The following MSRB3 variants were observed in gnomAD, a reference collection of about 807,000 sequenced individuals.
MSRB3 encodes methionine-R-sulfoxide reductase B3.
In MSRB3, 13 loss-of-function variants were observed where a neutral mutation model predicts 21.0. That is an observed-to-expected ratio of 0.62 (90% confidence interval 0.40 to 0.98). MSRB3 has a LOEUF of 0.98. Ranked by LOEUF, MSRB3 falls within the 50% of genes least tolerant of loss-of-function variation. The probability of loss-of-function intolerance (pLI) is 0.00; values close to 1 mark genes in which losing one functional copy is unlikely to be tolerated. For missense variants in MSRB3, 199 were observed against 230.3 expected, an observed-to-expected ratio of 0.86 and a Z score of 0.88; for synonymous variants, 87 against 88.6, an observed-to-expected ratio of 0.98 and a Z score of 0.10.
chr12:65,317,111 T>C (rs1874349266), intron 2 of MSRB3, among the ~76,000 whole-genome samples: 1 of 152,156 alleles, frequency 6.6e-6, no homozygotes, highest in Admixed American at 6.5e-5. Context: ...TATGCAACCA[T>C]GAGTAGTAAC....
chr12:65,463,279 G>C lies in MSRB3; in HGVS notation c.515G>C (p.Ser172Thr). ...AGCAGTGGCACCGCCGAGGGAGGCAGTGGGGTCGCCAGCCCGGCCCAGGCA... is the reference window on the plus strand; with the variant it reads ...AGCAGTGGCACCGCCGAGGGAGGCACTGGGGTCGCCAGCCCGGCCCAGGCA... ...ADSSGTAEGG[S>T]GVASPAQADK... The change falls in exon 7 of 7, where the codon AGT becomes ACT. Residue 172 changes from serine to threonine, a missense_variant. Ser to Thr is a moderately conservative substitution (Grantham distance 58). Coordinates refer to ENST00000308259, the MANE Select transcript of MSRB3 (RefSeq NM_001031679.3). The C allele has an allele frequency of 1.2e-6, 2 of 1,614,232 alleles. No homozygotes were observed. Among genetic ancestry groups the C allele is most frequent in the Non-Finnish European group, 1.7e-6 (2 of 1,180,044 alleles).
intron 1 of MSRB3, among the ~76,000 whole-genome samples, chr12:65,300,357 TA>T (rs1464584084): frequency 2.6e-5 from 4 of 152,168 alleles, no homozygotes; most frequent in African/African-American, 9.7e-5. Context: ...ATCTTCTGAC[TA>T]AATTAAGAAT....
chr12:65,418,375 GT>G (rs1881092310), intron 5 of MSRB3, among the ~76,000 whole-genome samples: 2 of 152,152 alleles, frequency 1.3e-5, no homozygotes, highest in African/African-American at 4.8e-5. Context: ...ACTTGTTGGA[GT>G]TCCTTATGTT....
intron 5 of MSRB3, among the ~76,000 whole-genome samples, chr12:65,396,747 A>G (rs867781487): frequency 1.3e-5 from 2 of 148,686 alleles, no homozygotes; most frequent in African/African-American, 4.9e-5. Context: ...AAAGAAAGAA[A>G]GAAAGAAAAC....
chr12:65,363,755 A>G (rs1877843589), intron 4 of MSRB3, among the ~76,000 whole-genome samples: 1 of 151,946 alleles, frequency 6.6e-6, no homozygotes, highest in South Asian at 2.1e-4. Flanking sequence ...GGAGGATGAG[A>G]CAGGCGGATC....
intron 5 of MSRB3, among the ~76,000 whole-genome samples, chr12:65,393,617 C>T (rs1386498482): frequency 5.3e-5 from 6 of 113,778 alleles, no homozygotes; most frequent in South Asian, 2.8e-4. Flanking sequence ...GGCAGTAGAG[C>T]GAGACTCCGT....
intron 5 of MSRB3, among the ~76,000 whole-genome samples, chr12:65,415,354 C>T (rs964960175): frequency 6.6e-6 from 1 of 152,152 alleles, no homozygotes; most frequent in Non-Finnish European, 1.5e-5. Context: ...TAGAGTCTCT[C>T]CACCTGTTCT....
At chr12:65,283,799 C>T (rs1168413998) in intron 1 of MSRB3, 1 of 152,176 alleles carries the variant, frequency 6.6e-6, no homozygotes, top group Non-Finnish European at 1.5e-5. Flanking sequence ...TTTTCAGATA[C>T]TCTGATGCTT....
chr12:65,425,753 C>T (rs917001361), intron 5 of MSRB3, among the ~76,000 whole-genome samples: 1 of 151,850 alleles, frequency 6.6e-6, no homozygotes, highest in African/African-American at 2.4e-5. Context: ...TGTCTTTTAA[C>T]TTTCATACTA....
At chr12:65,399,813 G>T (rs147762483) in intron 5 of MSRB3, among the ~76,000 whole-genome samples, 4 of 152,088 alleles carry the variant, frequency 2.6e-5, no homozygotes, top group African/African-American at 4.8e-5. Flanking sequence ...TAGCATGAAG[G>T]GGTGTTGAAT....
intron 2 of MSRB3, among the ~76,000 whole-genome samples, chr12:65,322,474 T>A (rs1024965344): frequency 6.6e-6 from 1 of 151,428 alleles, no homozygotes; most frequent in African/African-American, 2.4e-5. Flanking sequence ...GGCCATCATG[T>A]CGAAACCCCA....
At chr12:65,438,098 C>T (rs1882203540) in intron 5 of MSRB3, among the ~76,000 whole-genome samples, 1 of 151,824 alleles carries the variant, frequency 6.6e-6, no homozygotes, top group Non-Finnish European at 1.5e-5. Context: ...TTGTGTAAGG[C>T]ACTTTTATTT....
intron 4 of MSRB3, among the ~76,000 whole-genome samples, chr12:65,336,260 T>G (rs1875756098): frequency 6.6e-6 from 1 of 152,088 alleles, no homozygotes; most frequent in Non-Finnish European, 1.5e-5. Flanking sequence ...ACATAAAAGC[T>G]TGGCATAAGA....
chr12:65,297,388 A>C (rs1314953531), intron 1 of MSRB3, among the ~76,000 whole-genome samples: 1 of 152,184 alleles, frequency 6.6e-6, no homozygotes, highest in Non-Finnish European at 1.5e-5. Context: ...ATAAAAATAA[A>C]AATTAAAATA....
At chr12:65,294,679 A>G (rs994313474) in intron 1 of MSRB3, among the ~76,000 whole-genome samples, 13 of 152,196 alleles carry the variant, frequency 8.5e-5, no homozygotes. Context: ...TATATGAGAC[A>G]TTATTTTTAA....
At chr12:65,405,292 A>G (rs187107975) in intron 5 of MSRB3, among the ~76,000 whole-genome samples, 83 of 152,178 alleles carry the variant, frequency 5.5e-4, no homozygotes, top group Non-Finnish European at 9.7e-4. Context: ...GATTCCACAT[A>G]TAAGTGAGAT....
chr12:65,443,658 GC>G (rs1345150952), intron 5 of MSRB3, among the ~76,000 whole-genome samples: 2 of 152,022 alleles, frequency 1.3e-5, no homozygotes, highest in African/African-American at 4.8e-5. Flanking sequence ...TGGCTTATAG[GC>G]AGTCATCATC....
At chr12:65,288,503 G>A (rs994565167) in intron 1 of MSRB3, among the ~76,000 whole-genome samples, 5 of 152,000 alleles carry the variant, frequency 3.3e-5, no homozygotes, top group Non-Finnish European at 7.4e-5. Flanking sequence ...TTTGAACTTC[G>A]TAGCCTAGTG....
chr12:65,453,451 G>A (rs562829586), intron 5 of MSRB3, among the ~76,000 whole-genome samples: 13 of 152,172 alleles, frequency 8.5e-5, no homozygotes, highest in Admixed American at 8.5e-4. Context: ...CTAAGTTCAA[G>A]GATACTCTAG....
Sources: gnomAD v4.1 joint callset for allele counts (sites outside exome capture counted in the v4.1 genomes callset) on GRCh38, gnomAD v4.1.1 for gene constraint, MANE v1.5 for transcripts, NCBI Gene and HGNC (gene_info 2026-07-23, HGNC 2026-07-21) for gene names.